The following TMEFF2 variants were observed in gnomAD, a reference collection of about 807,000 sequenced individuals.
TMEFF2 encodes the protein tomoregulin-2.
In TMEFF2, 28 loss-of-function variants were observed where a neutral mutation model predicts 53.8. The observed-to-expected ratio is 0.52, with a 90% CI of 0.39 to 0.71. The LOEUF is 0.71. Among genes scored for constraint, TMEFF2 ranks in the 30% least tolerant of loss-of-function variants. The pLI is 0.00. For synonymous variants in TMEFF2, 162 were observed against 166.3 expected, an observed-to-expected ratio of 0.97 and a Z score of 0.20; for missense variants, 353 against 455.2, an observed-to-expected ratio of 0.78 and a Z score of 2.04.
chr2:192,094,221 G>C (rs371371453), intron 4 of TMEFF2, among the ~76,000 whole-genome samples: 1 of 152,144 alleles, frequency 6.6e-6, no homozygotes, highest in East Asian at 1.9e-4. Flanking sequence ...GACTGAGAGG[G>C]TTGAGTACAA....
At chr2:192,017,117 A>G (rs557631326) in intron 5 of TMEFF2, among the ~76,000 whole-genome samples, 1 of 152,304 alleles carries the variant, frequency 6.6e-6, no homozygotes, top group East Asian at 1.9e-4. Context: ...TTTATGCCCA[A>G]ACACAGAGGC....
chr2:192,173,404 C>G (rs528467212), intron 4 of TMEFF2, among the ~76,000 whole-genome samples: 1 of 151,814 alleles, frequency 6.6e-6, no homozygotes, highest in South Asian at 2.1e-4. Flanking sequence ...ATTTTGACAT[C>G]AAGCAGAATT....
chr2:192,137,865 C>T lies in TMEFF2; in HGVS notation c.439+41803G>A, dbSNP rs113022142. Reference sequence around the variant, plus strand: ...TGACCCATGCTGGAGTGCAGTGGTGCGATCTAGGCTCACTGCAACCTCCAC... The same window carrying T: ...TGACCCATGCTGGAGTGCAGTGGTGTGATCTAGGCTCACTGCAACCTCCAC... On this transcript the variant is annotated intron_variant, in intron 4 of 9. Transcript: ENST00000272771. 4.4e-3 allele frequency among the ~76,000 whole-genome samples: 668 copies of T among 151,074 alleles called. 5 individuals carry two copies. The highest frequency in any genetic ancestry group is 0.016 in the African/African-American group (648 of 41,246).
chr2:191,949,310 C>CTGTT lies in TMEFF2; in HGVS notation c.*997_*1000dup. On this transcript the variant is annotated 3_prime_UTR_variant, in exon 10 of 10. Transcript: ENST00000272771. ...ACATAAATATGCTCAAAACATCTCT[C>CTGTT]TGTTTTCATGAAATATCGTCATCAT... 1.0e-6 allele frequency: 1 copy of CTGTT among 985,380 alleles called. No individual in the cohort carries two copies. The allele number at this position is 985,380 out of a possible 1,614,324, so 61.0% of individuals were successfully genotyped here.
At chr2:192,120,138 C>T (rs1689514510) in intron 4 of TMEFF2, among the ~76,000 whole-genome samples, 1 of 152,142 alleles carries the variant, frequency 6.6e-6, no homozygotes, top group Non-Finnish European at 1.5e-5. Context: ...TTTCTACCAC[C>T]ATAAGACAAA....
Position 192,034,211 on chromosome 2 carries a change from T to C in TMEFF2, c.536+23468A>G, listed in dbSNP as rs183886964. Among the ~76,000 whole-genome samples the C allele has an allele frequency of 5.3e-3, 800 of 151,766 alleles. 5 individuals are homozygous for C. The highest frequency in any genetic ancestry group is 6.9e-3 in the Non-Finnish European group (470 of 67,932). ...AAAAAAAATCCTTTTTTTATAAATA[T>C]GATTTTGAGTATCAAGAAAAAATAA... is the stretch of plus-strand genomic sequence containing the variant. On this transcript the variant is annotated intron_variant, in intron 5 of 9. Coordinates refer to ENST00000272771, the MANE Select transcript of TMEFF2 (RefSeq NM_016192.4).
rs556089971 is a variant in TMEFF2 at position 192,014,344 on chromosome 2, A to G, written c.537-15136T>C. 6.6e-5 allele frequency among the ~76,000 whole-genome samples: 10 copies of G among 152,348 alleles called. No individual in the cohort carries two copies. The South Asian group carries it at 1.9e-3, about 28-fold the overall frequency. Reference sequence around the variant, plus strand: ...CATACAATTAGCCTTTTCACTATCTATATACATTCTTAGTATTAAAATCCA... The same window carrying G: ...CATACAATTAGCCTTTTCACTATCTGTATACATTCTTAGTATTAAAATCCA... On this transcript the variant is annotated intron_variant, in intron 5 of 9. Transcript: ENST00000272771.
At chr2:192,188,215 A>T (rs1434543633) in intron 2 of TMEFF2, among the ~76,000 whole-genome samples, 1 of 152,212 alleles carries the variant, frequency 6.6e-6, no homozygotes, top group Non-Finnish European at 1.5e-5. Context: ...AAGAGCGGAC[A>T]GGCCTGTGAC....
chr2:192,154,521 T>C (rs1690461416), intron 4 of TMEFF2, among the ~76,000 whole-genome samples: 1 of 152,012 alleles, frequency 6.6e-6, no homozygotes, highest in Admixed American at 6.6e-5. Flanking sequence ...GGTGCTTGTG[T>C]CTCCAATAAG....
chr2:192,088,317 T>C (rs879777026), intron 4 of TMEFF2, among the ~76,000 whole-genome samples: 2 of 152,166 alleles, frequency 1.3e-5, no homozygotes, highest in Admixed American at 6.6e-5. Context: ...CTGCCTTTAC[T>C]AACACTGACT....
Position 191,951,101 on chromosome 2 carries a change from T to TA in TMEFF2, c.1029-695dup, listed in dbSNP as rs1237465138. ...ATAATCTGTGAAGTATCAGAATATA[T>TA]AAAAATATATGAATATACATACACA... On this transcript the variant is annotated intron_variant, in intron 9 of 9. Coordinates refer to ENST00000272771, the MANE Select transcript of TMEFF2 (RefSeq NM_016192.4). Among the ~76,000 whole-genome samples, 14 of 152,208 alleles carry TA rather than the reference T, an allele frequency of 9.2e-5. No homozygotes were observed. The East Asian group carries it at 2.7e-3, about 29-fold the overall frequency.
At chr2:191,985,068 A>C (rs1384589069) in intron 7 of TMEFF2, among the ~76,000 whole-genome samples, 1 of 152,184 alleles carries the variant, frequency 6.6e-6, no homozygotes, top group East Asian at 1.9e-4. Context: ...GAAAATATGA[A>C]TTTGATGACA....
chr2:192,030,019 T>G (rs549659355), intron 5 of TMEFF2, among the ~76,000 whole-genome samples: 1 of 152,228 alleles, frequency 6.6e-6, no homozygotes, highest in African/African-American at 2.4e-5. Context: ...AAAAGGCAAA[T>G]AATATCTTAG....
At chr2:192,023,942 C>T (rs1161060860) in intron 5 of TMEFF2, among the ~76,000 whole-genome samples, 1 of 152,136 alleles carries the variant, frequency 6.6e-6, no homozygotes, top group African/African-American at 2.4e-5. Context: ...GAAAGATTAA[C>T]ACTAAATAGA....
At chr2:192,192,905 A>C (rs1691498676) in intron 1 of TMEFF2, among the ~76,000 whole-genome samples, 2 of 152,224 alleles carry the variant, frequency 1.3e-5, no homozygotes, top group Admixed American at 6.5e-5. Flanking sequence ...TGAATCAAGA[A>C]GTTATAGAAA....
intron 4 of TMEFF2, among the ~76,000 whole-genome samples, chr2:192,125,143 G>C (rs1474330665): frequency 6.6e-6 from 1 of 152,154 alleles, no homozygotes; most frequent in Non-Finnish European, 1.5e-5. Context: ...ATTTTTAAAA[G>C]TTTTCTCAGC....
chr2:192,134,573 C>A (rs958097740), intron 4 of TMEFF2, among the ~76,000 whole-genome samples: 5 of 152,146 alleles, frequency 3.3e-5, no homozygotes, highest in Admixed American at 6.6e-5. Context: ...TCTACTACTC[C>A]TCAAGGATTA....
rs1691826806 is a variant in TMEFF2, at chr2:191,950,142, A to G, written c.*169T>C. The G allele has an allele frequency of 7.1e-7, 1 of 1,399,692 alleles. No individual in the cohort carries two copies. The highest frequency in any genetic ancestry group is 9.3e-7 in the Non-Finnish European group (1 of 1,078,922). The allele number at this position is 1,399,692 out of a possible 1,614,324, so 86.7% of individuals were successfully genotyped here. A position where few individuals can be genotyped will look rare whatever the true frequency, so the allele number is the denominator to read the frequency against. On this transcript the variant is annotated 3_prime_UTR_variant, in exon 10 of 10. Transcript: ENST00000272771. The stretch of plus-strand genomic sequence containing the variant: ...CATCAAGACAATGTATACTATTTCA[A>G]ATATATCCATACATAATCAAATATA...
chr2:192,068,161 A>C (rs1489218521), intron 4 of TMEFF2, among the ~76,000 whole-genome samples: 1 of 151,878 alleles, frequency 6.6e-6, no homozygotes, highest in Non-Finnish European at 1.5e-5. Context: ...GCTGTGGAGC[A>C]CATTAAATAG....
Sources: gnomAD v4.1 joint callset for allele counts (sites outside exome capture counted in the v4.1 genomes callset) on GRCh38, gnomAD v4.1.1 for gene constraint, MANE v1.5 for transcripts, NCBI Gene and HGNC (gene_info 2026-07-23, HGNC 2026-07-21) for gene names.